The following ALDH7A1 variants were observed in gnomAD, a reference collection of about 807,000 sequenced individuals.
ALDH7A1 encodes aldehyde dehydrogenase 7 family member A1.
A neutral mutation model predicts 79.9 loss-of-function variants in ALDH7A1; 63 were observed. That is an observed-to-expected ratio of 0.79 (90% confidence interval 0.64 to 0.97). ALDH7A1 has a LOEUF of 0.97. ALDH7A1 is among the 50% of genes least tolerant of loss of function. The pLI, the probability that ALDH7A1 is intolerant of heterozygous loss-of-function variation, is 0.00. For missense variants in ALDH7A1, 627 were observed against 665.2 expected (o/e 0.94, Z 0.63); for synonymous variants, 240 against 231.2 (o/e 1.04, Z -0.34).
chr5:126,551,668 C>T (rs1750003234), intron 14 of ALDH7A1, among the ~76,000 whole-genome samples: 1 of 152,038 alleles, frequency 6.6e-6, no homozygotes, highest in African/African-American at 2.4e-5. Flanking sequence ...ATTTTGTCTG[C>T]TGACATGTTC....
chr5:126,583,968 A>T lies in ALDH7A1; in HGVS notation c.357T>A (p.Asp119Glu). The change falls in exon 4 of 18, where the codon GAT (aspartate) becomes GAA (glutamate). Residue 119 changes from aspartate to glutamate, a missense_variant. Transcript: ENST00000409134. The stretch of plus-strand genomic sequence containing the variant: ...GTACTTGGATCTTCTCCCGCAAGGC[A>T]TCGCCAATCTGTCTTACTATTTCTC... ...KRGEIVRQIG[D>E]ALREKIQVLG... 1 of 1,614,234 alleles carries T rather than the reference A, an allele frequency of 6.2e-7. No homozygotes were observed. The highest frequency in any genetic ancestry group is 8.5e-7 in the Non-Finnish European group (1 of 1,180,028).
chr5:126,594,059 C>A, intron 1 of ALDH7A1: 2 of 361,160 alleles, frequency 5.5e-6, no homozygotes, highest in Non-Finnish European at 1.2e-5. Flanking sequence ...TAACATCCTC[C>A]TATAAAAAAC....
intron 11 of ALDH7A1, among the ~76,000 whole-genome samples, chr5:126,558,166 C>CAAAAAAAA (rs35559498): frequency 8.4e-4 from 63 of 75,384 alleles, no homozygotes; most frequent in East Asian, 2.5e-3. Context: ...GACTCCAACT[C>CAAAAAAAA]AAAAAAAAAA....
chr5:126,594,325 C>A (rs1223434784), intron 1 of ALDH7A1: 1 of 465,582 alleles, frequency 2.1e-6, no homozygotes, highest in Non-Finnish European at 4.5e-6. Flanking sequence ...ACGTTACCTG[C>A]GGTGCACGTC....
chr5:126,547,464 C>T (rs1200951459), intron 16 of ALDH7A1, among the ~76,000 whole-genome samples: 1 of 152,206 alleles, frequency 6.6e-6, no homozygotes, highest in African/African-American at 2.4e-5. Flanking sequence ...AGAGCTGGTA[C>T]CCCACTGCCC....
At chr5:126,594,985 G>A in intron 1 of ALDH7A1, 22 bp downstream of exon 1, 5 of 1,575,326 alleles carry the variant, frequency 3.2e-6, no homozygotes, top group South Asian at 1.2e-5. Flanking sequence ...CGGCTGCAGA[G>A]ATTTCTTGAG....
rs573040485 is a variant in ALDH7A1, at chr5:126,578,210, C to G, written c.518-999G>C. ...AGACTGAGGCAGGAGAATCACTTGA[C>G]CCCGGGAGGCAGAGGTTGCAGTGAG... On this transcript the variant is annotated intron_variant, in intron 5 of 17. Transcript: ENST00000409134. Among the ~76,000 whole-genome samples, 5 of 151,996 alleles carry G rather than the reference C, an allele frequency of 3.3e-5. No individual in the cohort carries two copies. In the South Asian group the frequency reaches 8.3e-4, roughly 25 times the overall value.
intron 7 of ALDH7A1, among the ~76,000 whole-genome samples, chr5:126,574,815 C>T (rs554906969): frequency 1.3e-5 from 2 of 152,258 alleles, no homozygotes; most frequent in South Asian, 4.2e-4. Flanking sequence ...ACCAATGGAA[C>T]ATCAAAGGTA....
chr5:126,559,334 G>C lies in ALDH7A1; in HGVS notation c.914C>G (p.Ala305Gly), dbSNP rs141775154. The C allele has an allele frequency of 2.7e-5, 44 of 1,613,064 alleles. No homozygotes were observed. The African/African-American group carries it at 5.3e-4, about 20-fold the overall frequency. The change falls in exon 11 of 18, where the codon GCC becomes GGC. Residue 305 changes from alanine (A) to glycine (G), a missense_variant and splice_region_variant. Ala to Gly is a moderately conservative substitution (Grantham distance 60, BLOSUM62 0). Coordinates refer to ENST00000409134, the MANE Select transcript of ALDH7A1 (RefSeq NM_001182.5). ...LELGGNNAII[A>G]FEDADLSLVV... is the part of the protein sequence containing the mutation. ...TAAGCTGAGGTCTGCATCTTCAAAG[G>C]CTTAGGAAAGCACAAACACTTCCAT...
chr5:126,594,907 T>C, intron 1 of ALDH7A1, 100 bp downstream of exon 1: 1 of 1,465,912 alleles, frequency 6.8e-7, no homozygotes, highest in African/African-American at 1.4e-5. Context: ...CCCATGCTAC[T>C]ACCGCATCCA....
intron 7 of ALDH7A1, among the ~76,000 whole-genome samples, chr5:126,573,566 C>T (rs1442781526): frequency 3.3e-4 from 50 of 151,876 alleles, no homozygotes; most frequent in African/African-American, 1.2e-3. Context: ...GGCGTGGTGG[C>T]GCACACCTGT....
At position 126,577,137 on chromosome 5, in the gene ALDH7A1, C is replaced by T. The variant is rs769398736; in HGVS notation, c.592G>A (p.Val198Met). Residue 198 changes from valine (V) to methionine (M), a missense_variant, in exon 6 of 18, where the codon GTG becomes ATG. Transcript: ENST00000409134. Reference protein sequence around the residue: ...VGIITAFNFPVAVYGWNNAIA... With the variant: ...VGIITAFNFPMAVYGWNNAIA... ...GCGTTGTTCCAACCATACACTGCCA[C>T]AGGGAAATTGAATGCCGTGATGATT... The T allele has an allele frequency of 3.1e-6, 5 of 1,614,160 alleles. No homozygotes were observed. The highest frequency in any genetic ancestry group is 1.1e-5 in the South Asian group (1 of 91,078).
At chr5:126,562,266 G>A (rs1421134711) in intron 9 of ALDH7A1, 1 of 150,350 alleles carries the variant, frequency 6.7e-6, no homozygotes, top group Non-Finnish European at 1.5e-5. Flanking sequence ...GTACTAGCAT[G>A]ATCATGGCTT....
In ALDH7A1 at chr5:126,563,560, GCT is replaced by G. The variant is rs200233603; in HGVS notation, c.872-2438_872-2437del. On this transcript the variant is annotated intron_variant, in intron 9 of 17. Coordinates refer to ENST00000409134, the MANE Select transcript of ALDH7A1 (RefSeq NM_001182.5). ...GCTGGAGTGCAGTGGCGTGATCTCGGCTCACTGCAAATCTCCGCCTCCTGGGT... is the reference window on the plus strand; with the variant it reads ...GCTGGAGTGCAGTGGCGTGATCTCGGCACTGCAAATCTCCGCCTCCTGGGT... Among the ~76,000 whole-genome samples, 724 of 152,212 alleles carry G rather than the reference GCT, an allele frequency of 4.8e-3. 3 individuals are homozygous for G. The highest frequency in any genetic ancestry group is 0.016 in the African/African-American group (676 of 41,508).
At chr5:126,563,761 G>A (rs1750478826) in intron 9 of ALDH7A1, among the ~76,000 whole-genome samples, 1 of 152,102 alleles carries the variant, frequency 6.6e-6, no homozygotes, top group African/African-American at 2.4e-5. Context: ...AAAGTGCTGG[G>A]ATTACAGGCT....
intron 9 of ALDH7A1, chr5:126,562,213 T>C (rs1750425930): frequency 6.6e-6 from 1 of 151,796 alleles, no homozygotes; most frequent in South Asian, 2.1e-4. Flanking sequence ...TTAATTTTTT[T>C]TTTTTTTGAG....
chr5:126,570,699 G>C (rs1209882153), intron 8 of ALDH7A1, 83 bp downstream of exon 8: 1 of 1,292,770 alleles, frequency 7.7e-7, no homozygotes, highest in Non-Finnish European at 1.1e-6. Flanking sequence ...AGTTATAAGT[G>C]AGTTCATTAT....
At chr5:126,576,965 C>T in intron 6 of ALDH7A1, 114 bp downstream of exon 6, 1 of 1,329,906 alleles carries the variant, frequency 7.5e-7, no homozygotes, top group Admixed American at 1.7e-5. Context: ...TTGAAGAAGC[C>T]AGGTGTGGTG....
rs755397491 is a variant in ALDH7A1 at position 126,565,190 on chromosome 5, T to C, written c.871+3069A>G. 4.6e-5 allele frequency among the ~76,000 whole-genome samples: 7 copies of C among 152,068 alleles called. 1 individual carries two copies. The highest frequency in any genetic ancestry group is 6.8e-3 in the Middle Eastern group (2 of 294). ...CGGGCGGATCACAAGGTCTGGAGTTTGAGACCAGCCTGGCCAAGATGGTGA... is the reference window on the plus strand; with the variant it reads ...CGGGCGGATCACAAGGTCTGGAGTTCGAGACCAGCCTGGCCAAGATGGTGA... On this transcript the variant is annotated intron_variant, in intron 9 of 17. Coordinates refer to ENST00000409134, the MANE Select transcript of ALDH7A1 (RefSeq NM_001182.5).
Sources: allele counts gnomAD v4.1 joint callset (sites outside exome capture counted in the v4.1 genomes callset), GRCh38; gene constraint gnomAD v4.1.1; transcripts MANE v1.5; gene names NCBI Gene and HGNC (gene_info 2026-07-23, HGNC 2026-07-21).